UACA: variants seen among roughly 807,000 people sequenced by gnomAD.
The protein encoded by UACA is uveal autoantigen with coiled-coil domains and ankyrin repeats.
A neutral mutation model predicts 160.5 loss-of-function variants in UACA; 112 were observed. The observed-to-expected ratio is 0.70, with a 90% CI of 0.60 to 0.82. UACA has a LOEUF of 0.82. Among genes scored for constraint, UACA ranks in the 40% least tolerant of loss-of-function variants. UACA has a pLI of 0.00. For synonymous variants in UACA, 557 were observed against 568.4 expected (o/e 0.98, Z 0.29); for missense variants, 1,574 against 1,614.6 (o/e 0.97, Z 0.43).
chr15:70,668,158 G>A lies in UACA; in HGVS notation c.2526C>T (p.His842=), dbSNP rs181818682. 85 of 1,613,014 alleles carry A rather than the reference G, an allele frequency of 5.3e-5. No individual in the cohort carries two copies. Among genetic ancestry groups the A allele is most frequent in the Middle Eastern group, 3.3e-4 (2 of 6,058 alleles). ...KKCGEDQEKI[H]ALTSENTNLK... ...AGTTAGTGTTTTCAGATGTGAGAGCGTGTATTTTCTCCTGGTCTTCACCAC... is the reference window on the plus strand; with the variant it reads ...AGTTAGTGTTTTCAGATGTGAGAGCATGTATTTTCTCCTGGTCTTCACCAC... Residue 842 remains histidine (H), a synonymous_variant, in exon 16 of 19, where the codon CAC becomes CAT. Transcript: ENST00000322954.
At chr15:70,659,081 A>G (rs188862933) in intron 18 of UACA, among the ~76,000 whole-genome samples, 3 of 152,222 alleles carry the variant, frequency 2.0e-5, no homozygotes, top group Non-Finnish European at 4.4e-5. Flanking sequence ...ATTTTCTGCT[A>G]TTTCCCCACT....
intron 1 of UACA, among the ~76,000 whole-genome samples, chr15:70,707,448 T>C (rs1306617204): frequency 6.6e-6 from 1 of 152,058 alleles, no homozygotes; most frequent in Non-Finnish European, 1.5e-5. Context: ...CAAACTTCTG[T>C]GCAGCAAAAG....
In UACA at chr15:70,668,382, GCTTT is replaced by G. The variant is rs1897010853; in HGVS notation, c.2298_2301del (p.Arg766SerfsTer3). On this transcript the variant is annotated frameshift_variant, in exon 16 of 19. Coordinates refer to ENST00000322954, the MANE Select transcript of UACA (RefSeq NM_018003.4). LOFTEE classifies it high-confidence loss of function. ...GTATATTTTTGTGTTACATCTAAAA[GCTTT>G]CTATTAAGATCATCAATAATTGCAT... 3 of 1,607,594 alleles carry G rather than the reference GCTTT, an allele frequency of 1.9e-6. No homozygotes were observed. The highest frequency in any genetic ancestry group is 4.5e-5 in the East Asian group (2 of 44,814).
chr15:70,703,385 T>A, intron 1 of UACA: 1 of 761,296 alleles, frequency 1.3e-6, no homozygotes, highest in Non-Finnish European at 1.8e-6. Context: ...ACAAGAAATC[T>A]GTTTCCTACT....
At chr15:70,753,414 C>T (rs574624240) in intron 1 of UACA, among the ~76,000 whole-genome samples, 2 of 152,218 alleles carry the variant, frequency 1.3e-5, no homozygotes, top group South Asian at 4.2e-4. Context: ...CATAAAATGC[C>T]TCCTCTCTCC....
intron 17 of UACA, among the ~76,000 whole-genome samples, chr15:70,663,043 A>C (rs1896772512): frequency 6.6e-6 from 1 of 152,170 alleles, no homozygotes; most frequent in African/African-American, 2.4e-5. Context: ...GCTTCTGCAC[A>C]GCAAAAGAAA....
chr15:70,680,026 A>T (rs1005780801), intron 9 of UACA: 11 of 118,414 alleles, frequency 9.3e-5, no homozygotes, highest in African/African-American at 3.1e-4. Context: ...TACTAAAAGA[A>T]CTCAACTTAA....
intron 1 of UACA, among the ~76,000 whole-genome samples, chr15:70,706,542 A>G (rs1460157837): frequency 6.6e-6 from 1 of 151,326 alleles, no homozygotes; most frequent in East Asian, 1.9e-4. Context: ...AAAAAACTCT[A>G]AAGATTACAG....
At chr15:70,719,893 A>C (rs1898937855) in intron 1 of UACA, among the ~76,000 whole-genome samples, 3 of 152,180 alleles carry the variant, frequency 2.0e-5, no homozygotes, top group Non-Finnish European at 4.4e-5. Context: ...CTAAGGACCC[A>C]CAATTGTTAT....
chr15:70,767,128 T>C (rs1355984147), upstream of UACA, among the ~76,000 whole-genome samples: 3 of 150,962 alleles, frequency 2.0e-5, no homozygotes, highest in Non-Finnish European at 2.9e-5. Flanking sequence ...TAGTCCCAGC[T>C]ACTCTGGAGG....
chr15:70,693,555 C>T (rs1898015667), intron 3 of UACA, among the ~76,000 whole-genome samples: 1 of 152,122 alleles, frequency 6.6e-6, no homozygotes, highest in African/African-American at 2.4e-5. Context: ...CATTATAAAA[C>T]ATATCAAATG....
Position 70,668,975 on chromosome 15 carries a change from T to C in UACA, c.1709A>G (p.Asn570Ser), listed in dbSNP as rs1405011603. Residue 570 changes from asparagine (N) to serine (S), a missense_variant, in exon 16 of 19, where the codon AAT becomes AGT. Coordinates refer to ENST00000322954, the MANE Select transcript of UACA (RefSeq NM_018003.4). ...CTTAAACTCTTCTACTATCATCTCA[T>C]TTTGTTTGATTTGGTTTCTTAATTT... ...VGKLRNQIKQ[N>S]EMIVEEFKRD... 6.2e-7 allele frequency: 1 copy of C among 1,613,926 alleles called. No individual in the cohort carries two copies. Among genetic ancestry groups the C allele is most frequent in the South Asian group, 1.1e-5 (1 of 91,082 alleles).
intron 17 of UACA, 138 bp downstream of exon 17, chr15:70,664,524 C>T: frequency 9.2e-7 from 1 of 1,084,152 alleles, no homozygotes; most frequent in Non-Finnish European, 1.3e-6. Context: ...GTATAGGTAA[C>T]TTTTCGCATA....
At chr15:70,760,377 C>T (rs2030674554) in intron 1 of UACA, among the ~76,000 whole-genome samples, 1 of 152,106 alleles carries the variant, frequency 6.6e-6, no homozygotes, top group Non-Finnish European at 1.5e-5. Context: ...CTTCTCTGCA[C>T]AGCAAATGCC....
At chr15:70,707,745 T>A (rs997288226) in intron 1 of UACA, among the ~76,000 whole-genome samples, 2 of 151,966 alleles carry the variant, frequency 1.3e-5, no homozygotes, top group African/African-American at 4.8e-5. Context: ...TTACGAATGC[T>A]AACATCCCAA....
chr15:70,705,297 A>G (rs8028526), intron 1 of UACA, among the ~76,000 whole-genome samples: 145,567 of 152,202 alleles, frequency 0.96, 69,929 homozygotes, highest in East Asian at 1. Flanking sequence ...GAGAGGCCAA[A>G]GCAGGCGGAT....
chr15:70,678,979 AAC>A (rs2140925784), intron 10 of UACA, among the ~76,000 whole-genome samples: 1 of 152,342 alleles, frequency 6.6e-6, no homozygotes, highest in Non-Finnish European at 1.5e-5. Context: ...ATTTAAATCA[AAC>A]AGTTATATAA....
rs116835158 is a variant in UACA at position 70,763,056 on chromosome 15, C to T, written c.78+274G>A. Among the ~76,000 whole-genome samples the T allele has an allele frequency of 6.9e-3, 1,047 of 152,250 alleles. 18 individuals are homozygous for T. The highest frequency in any genetic ancestry group is 0.023 in the African/African-American group (944 of 41,552). On this transcript the variant is annotated intron_variant, in intron 1 of 18. Coordinates refer to ENST00000322954, the MANE Select transcript of UACA (RefSeq NM_018003.4). ...GAACTTTGGATTTAGGAGGAGGGGG[C>T]CAGAACCGCCCCACTGAGGTTTCTT...
rs761921200 is a variant in UACA, at chr15:70,667,038, T to G, written c.3646A>C (p.Lys1216Gln). 2 of 1,613,586 alleles carry G rather than the reference T, an allele frequency of 1.2e-6. No homozygotes were observed. Among genetic ancestry groups the G allele is most frequent in the Non-Finnish European group, 1.7e-6 (2 of 1,179,936 alleles). Residue 1216 changes from lysine (K) to glutamine (Q), a missense_variant, in exon 16 of 19, where the codon AAA (lysine) becomes CAA (glutamine). Transcript: ENST00000322954. ...SEVQNTKQAL[K>Q]KLETREVVDL... is the part of the protein sequence containing the mutation. Reference sequence around the variant, plus strand: ...ACTACCTCTCTAGTCTCTAATTTTTTTAATGCTTGTTTAGTATTCTGAACC... The same window carrying G: ...ACTACCTCTCTAGTCTCTAATTTTTGTAATGCTTGTTTAGTATTCTGAACC...
Sources: allele counts gnomAD v4.1 joint callset (sites outside exome capture counted in the v4.1 genomes callset), GRCh38; gene constraint gnomAD v4.1.1; transcripts MANE v1.5; gene names NCBI Gene and HGNC (gene_info 2026-07-23, HGNC 2026-07-21).